The following TMEM260 variants were observed in gnomAD, a reference collection of about 807,000 sequenced individuals.
TMEM260 encodes transmembrane protein 260.
TMEM260 carries 82 observed loss-of-function variants against 88.9 expected under a neutral mutation model. That is an observed-to-expected ratio of 0.92 (90% CI 0.77 to 1.11). The LOEUF (loss-of-function observed/expected upper bound fraction) is 1.11, where lower values mean the gene tolerates loss of function less well. Among genes scored for constraint, TMEM260 ranks in the 50% least tolerant of loss-of-function variants. TMEM260 has a pLI of 0.00. For synonymous variants in TMEM260, 314 were observed against 309.3 expected (o/e 1.02, Z -0.16); for missense variants, 902 against 853.4 (o/e 1.06, Z -0.71).
chr14:56,609,349 C>T (rs1887108682), intron 6 of TMEM260, 64 bp downstream of exon 6: 1 of 1,447,712 alleles, frequency 6.9e-7, no homozygotes, highest in Non-Finnish European at 9.5e-7. Flanking sequence ...TCTGCCTGGG[C>T]CTTGATTAAA....
chr14:56,618,684 C>T lies in TMEM260; in HGVS notation c.1147C>T (p.Leu383=). 5 of 1,614,182 alleles carry T rather than the reference C, an allele frequency of 3.1e-6. No homozygotes were observed. Among genetic ancestry groups the T allele is most frequent in the Non-Finnish European group, 4.2e-6 (5 of 1,180,026 alleles). The change falls in exon 10 of 16, where the codon CTG becomes TTG. Residue 383 remains leucine, a synonymous_variant. Transcript: ENST00000261556. ...AGTTGTGTCTGAGACTAACCGAGTG[C>T]TGAATAGCAATGGGCTTCAGTGTCT... The part of the protein sequence containing the change: ...AAVVSETNRV[L]NSNGLQCLEW...
At chr14:56,583,923 T>G (rs1885304472) in intron 1 of TMEM260, among the ~76,000 whole-genome samples, 1 of 152,148 alleles carries the variant, frequency 6.6e-6, no homozygotes, top group Non-Finnish European at 1.5e-5. Flanking sequence ...CTGAGGAATC[T>G]GAACTTCGTT....
At chr14:56,596,711 C>T (rs868457834) in intron 3 of TMEM260, among the ~76,000 whole-genome samples, 6 of 144,666 alleles carry the variant, frequency 4.1e-5, no homozygotes, top group East Asian at 2.0e-4. Context: ...TGTGGTGAGC[C>T]GAGATCGTGC....
intron 1 of TMEM260, among the ~76,000 whole-genome samples, chr14:56,583,614 A>G (rs1190104765): frequency 6.6e-6 from 1 of 152,142 alleles, no homozygotes; most frequent in East Asian, 1.9e-4. Context: ...AAAGTGCTAA[A>G]TAGACTCAAG....
chr14:56,653,251 AG>A (rs1890237580), downstream of TMEM260, among the ~76,000 whole-genome samples: 1 of 152,180 alleles, frequency 6.6e-6, no homozygotes, highest in South Asian at 2.1e-4. Flanking sequence ...GAGGTAACAA[AG>A]GTAAGTATTG....
intron 1 of TMEM260, among the ~76,000 whole-genome samples, chr14:56,584,655 T>C (rs1443111082): frequency 6.6e-6 from 1 of 152,184 alleles, no homozygotes; most frequent in Admixed American, 6.5e-5. Context: ...ACTTTCGTGC[T>C]AATTTCTTGA....
chr14:56,611,020 G>A (rs1450625302), intron 6 of TMEM260, among the ~76,000 whole-genome samples: 1 of 143,954 alleles, frequency 6.9e-6, no homozygotes, highest in East Asian at 2.0e-4. Flanking sequence ...AGGCTGGAGT[G>A]CAGTGGCGTG....
chr14:56,631,810 TCAC>T (rs765619123), intron 12 of TMEM260, among the ~76,000 whole-genome samples: 1 of 152,186 alleles, frequency 6.6e-6, no homozygotes, highest in Non-Finnish European at 1.5e-5. Flanking sequence ...AAGCTGCTGA[TCAC>T]CAGTTTCAGG....
chr14:56,661,140 CCA>C, the TMEM260 span, among the ~76,000 whole-genome samples: 1 of 152,312 alleles, frequency 6.6e-6, no homozygotes, highest in East Asian at 1.9e-4. Flanking sequence ...CAGGAGGCAA[CCA>C]CAGACTGTCC....
intron 12 of TMEM260, among the ~76,000 whole-genome samples, chr14:56,632,400 G>C (rs909170465): frequency 6.6e-6 from 1 of 152,070 alleles, no homozygotes; most frequent in African/African-American, 2.4e-5. Flanking sequence ...TTGGGTGCCT[G>C]CCAACCCACC....
intron 6 of TMEM260, 111 bp downstream of exon 6, chr14:56,609,396 TG>T: frequency 9.6e-7 from 1 of 1,043,060 alleles, no homozygotes; most frequent in South Asian, 1.7e-5. Flanking sequence ...ATCAAATGTT[TG>T]TTTTGGTTAT....
intron 15 of TMEM260, among the ~76,000 whole-genome samples, chr14:56,636,904 A>G (rs892458905): frequency 1.4e-4 from 22 of 152,220 alleles, no homozygotes; most frequent in African/African-American, 5.1e-4. Context: ...AGGTGTCTTG[A>G]GACAGGGGGT....
intron 1 of TMEM260, among the ~76,000 whole-genome samples, chr14:56,580,326 C>T (rs1885039414): frequency 1.3e-5 from 2 of 152,202 alleles, no homozygotes; most frequent in South Asian, 4.1e-4. Context: ...GCTTATCGAC[C>T]TCTCCACTTC....
At chr14:56,627,995 G>A (rs1184886320) in intron 12 of TMEM260, among the ~76,000 whole-genome samples, 1 of 152,158 alleles carries the variant, frequency 6.6e-6, no homozygotes, top group African/African-American at 2.4e-5. Context: ...CATATAAATA[G>A]AATCAAAGTA....
At chr14:56,660,991 C>T in the TMEM260 span, among the ~76,000 whole-genome samples, 1 of 152,248 alleles carries the variant, frequency 6.6e-6, no homozygotes, top group Non-Finnish European at 1.5e-5. Flanking sequence ...AACATTCATC[C>T]ATAGGCACTC....
chr14:56,632,187 C>T (rs1175259139), intron 12 of TMEM260, among the ~76,000 whole-genome samples: 1 of 152,192 alleles, frequency 6.6e-6, no homozygotes, highest in Non-Finnish European at 1.5e-5. Context: ...CATTACTTTC[C>T]AGCTTGCTGG....
chr14:56,605,754 G>A, intron 5 of TMEM260, 71 bp downstream of exon 5: 1 of 913,174 alleles, frequency 1.1e-6, no homozygotes, highest in African/African-American at 1.7e-5. Flanking sequence ...TTTGTCATGA[G>A]AAAATTTCAG....
chr14:56,594,218 A>G (rs545949084), intron 3 of TMEM260, among the ~76,000 whole-genome samples: 1 of 152,124 alleles, frequency 6.6e-6, no homozygotes, highest in East Asian at 1.9e-4. Flanking sequence ...CTCATATCTA[A>G]TTTATCATAA....
At chr14:56,599,810 A>G (rs1886459412) in intron 3 of TMEM260, among the ~76,000 whole-genome samples, 1 of 152,210 alleles carries the variant, frequency 6.6e-6, no homozygotes, top group African/African-American at 2.4e-5. Flanking sequence ...CTTGGACTAA[A>G]TCCAACATAA....
Sources: gnomAD v4.1 joint callset for allele counts (sites outside exome capture counted in the v4.1 genomes callset) on GRCh38, gnomAD v4.1.1 for gene constraint, MANE v1.5 for transcripts, NCBI Gene and HGNC (gene_info 2026-07-23, HGNC 2026-07-21) for gene names.